Variants in C8orf34 observed in about 807,000 individuals in gnomAD.
C8orf34 encodes the protein uncharacterized protein C8orf34.
In C8orf34, 65 loss-of-function variants were observed where a neutral mutation model predicts 68.3. That is an observed-to-expected ratio of 0.95 (90% CI 0.78 to 1.17). The LOEUF is 1.17. Among genes scored for constraint, C8orf34 ranks in the 50% most tolerant of loss-of-function variants. The pLI, the probability that C8orf34 is intolerant of heterozygous loss-of-function variation, is 0.00. For synonymous variants in C8orf34, 244 were observed against 241.2 expected (o/e 1.01, Z -0.11); for missense variants, 664 against 655.4 (o/e 1.01, Z -0.14).
intron 8 of C8orf34, among the ~76,000 whole-genome samples, chr8:68,697,299 T>C (rs1820863681): frequency 6.6e-6 from 1 of 152,124 alleles, no homozygotes; most frequent in African/African-American, 2.4e-5. Flanking sequence ...TATTTAAGTT[T>C]ACCTTTATTG....
intron 6 of C8orf34, among the ~76,000 whole-genome samples, chr8:68,531,139 A>T (rs1313644811): frequency 6.6e-6 from 1 of 152,108 alleles, no homozygotes; most frequent in Admixed American, 6.6e-5. Context: ...TTCAGCGTGT[A>T]TTTCTTAGGA....
intron 8 of C8orf34, among the ~76,000 whole-genome samples, chr8:68,687,767 C>A (rs962615627): frequency 8.6e-5 from 13 of 151,852 alleles, no homozygotes; most frequent in African/African-American, 1.2e-4. Flanking sequence ...ATAAATAGGA[C>A]CTAATTAAGC....
At chr8:68,584,631 C>T (rs1446710607) in intron 7 of C8orf34, among the ~76,000 whole-genome samples, 1 of 152,046 alleles carries the variant, frequency 6.6e-6, no homozygotes, top group Non-Finnish European at 1.5e-5. Flanking sequence ...AAGGGAAAAC[C>T]CGGCAGGTGG....
At chr8:68,750,251 T>C (rs1343293060) in intron 10 of C8orf34, among the ~76,000 whole-genome samples, 1 of 152,102 alleles carries the variant, frequency 6.6e-6, no homozygotes, top group African/African-American at 2.4e-5. Flanking sequence ...GGATAAACTA[T>C]ATGAGAGAAC....
At chr8:68,407,588 C>A (rs1809255410) in intron 1 of C8orf34, among the ~76,000 whole-genome samples, 3 of 151,978 alleles carry the variant, frequency 2.0e-5, no homozygotes, top group Non-Finnish European at 4.4e-5. Context: ...AATTCTGAGC[C>A]CTTTCAGTCT....
chr8:68,690,933 A>G (rs747360378), intron 8 of C8orf34, among the ~76,000 whole-genome samples: 8 of 152,090 alleles, frequency 5.3e-5, no homozygotes, highest in Non-Finnish European at 1.2e-4. Flanking sequence ...CCCAGCCTTG[A>G]TAAGAAGAAT....
chr8:68,579,672 G>A (rs553669898), intron 7 of C8orf34, among the ~76,000 whole-genome samples: 11 of 152,272 alleles, frequency 7.2e-5, no homozygotes, highest in African/African-American at 2.4e-4. Context: ...TGCTAAATCT[G>A]CACACTTTCA....
chr8:68,416,103 CTA>C (rs1809654075), intron 1 of C8orf34, among the ~76,000 whole-genome samples: 1 of 152,168 alleles, frequency 6.6e-6, no homozygotes, highest in African/African-American at 2.4e-5. Flanking sequence ...CTTAACCAAA[CTA>C]TGTGAGCAGA....
chr8:68,405,950 C>T (rs908063593), intron 1 of C8orf34, among the ~76,000 whole-genome samples: 1 of 152,076 alleles, frequency 6.6e-6, no homozygotes, highest in Non-Finnish European at 1.5e-5. Context: ...AAAGAGTTTG[C>T]TATTAGAGGA....
intron 10 of C8orf34, among the ~76,000 whole-genome samples, chr8:68,755,028 A>G (rs1267655545): frequency 6.6e-6 from 1 of 152,248 alleles, no homozygotes; most frequent in Non-Finnish European, 1.5e-5. Context: ...TGAAAATTTT[A>G]TAGCACAACT....
At chr8:68,728,630 C>T (rs908266688) in intron 10 of C8orf34, among the ~76,000 whole-genome samples, 4 of 152,290 alleles carry the variant, frequency 2.6e-5, no homozygotes, top group Non-Finnish European at 4.4e-5. Context: ...AAGTGGAAAC[C>T]TCTGATAAAC....
intron 3 of C8orf34, among the ~76,000 whole-genome samples, chr8:68,460,752 C>T (rs1018268355): frequency 2.0e-5 from 3 of 152,296 alleles, no homozygotes; most frequent in African/African-American, 4.8e-5. Context: ...AGAAGGAAAA[C>T]TAACAAACAG....
At chr8:68,545,845 A>G (rs1244392328) in intron 7 of C8orf34, among the ~76,000 whole-genome samples, 1 of 152,126 alleles carries the variant, frequency 6.6e-6, no homozygotes, top group East Asian at 1.9e-4. Flanking sequence ...TTAATTTTCA[A>G]AGACAATTGA....
intron 1 of C8orf34, among the ~76,000 whole-genome samples, chr8:68,355,279 T>C (rs1806700842): frequency 6.6e-6 from 1 of 152,046 alleles, no homozygotes; most frequent in Non-Finnish European, 1.5e-5. Context: ...TTGCCTTTAA[T>C]AGGGAGGAAG....
At chr8:68,758,010 GA>G (rs1554608540) in intron 10 of C8orf34, among the ~76,000 whole-genome samples, 2 of 152,348 alleles carry the variant, frequency 1.3e-5, no homozygotes, top group East Asian at 1.9e-4. Context: ...TCTTGGATTG[GA>G]ATAGCCCAAC....
chr8:68,748,686 G>T (rs1257318460), intron 10 of C8orf34, among the ~76,000 whole-genome samples: 1 of 151,666 alleles, frequency 6.6e-6, no homozygotes, highest in South Asian at 2.1e-4. Context: ...ACCACAATGA[G>T]ATACCATCTC....
At chr8:68,490,223 G>T (rs1381568615) in intron 5 of C8orf34, among the ~76,000 whole-genome samples, 1 of 151,936 alleles carries the variant, frequency 6.6e-6, no homozygotes, top group Non-Finnish European at 1.5e-5. Context: ...CCATTTCTAG[G>T]TTCATTTGCT....
chr8:68,718,112 T>C (rs1297966049), intron 9 of C8orf34, among the ~76,000 whole-genome samples: 2 of 152,196 alleles, frequency 1.3e-5, no homozygotes, highest in Admixed American at 6.6e-5. Context: ...TAAGATCATG[T>C]AAAGTCTCTC....
intron 5 of C8orf34, among the ~76,000 whole-genome samples, chr8:68,521,284 G>A (rs1437605977): frequency 6.6e-6 from 1 of 152,144 alleles, no homozygotes; most frequent in Non-Finnish European, 1.5e-5. Context: ...TGTTGAATTA[G>A]CATAACATAT....
Sources: allele counts gnomAD v4.1 joint callset (sites outside exome capture counted in the v4.1 genomes callset), GRCh38; gene constraint gnomAD v4.1.1; transcripts MANE v1.5; gene names NCBI Gene and HGNC (gene_info 2026-07-23, HGNC 2026-07-21).